The following GRIP1 variants were observed in gnomAD, a reference collection of about 807,000 sequenced individuals.
GRIP1 encodes the protein glutamate receptor interacting protein 1, also known as glutamate receptor-interacting protein 1.
In GRIP1, 45 loss-of-function variants were observed where a neutral mutation model predicts 129.9. The ratio of observed to expected loss-of-function variants is 0.35; its 90% confidence interval spans 0.27 to 0.44. The LOEUF (loss-of-function observed/expected upper bound fraction) is 0.44. Among genes scored for constraint, GRIP1 ranks in the 20% least tolerant of loss-of-function variants. The pLI, the probability that GRIP1 is intolerant of heterozygous loss-of-function variation, is 1.00. For synonymous variants in GRIP1, 530 were observed against 520.8 expected, an observed-to-expected ratio of 1.02 and a Z score of -0.24; for missense variants, 1,196 against 1,396.8, an observed-to-expected ratio of 0.86 and a Z score of 2.29.
chr12:66,775,441 T>C (rs926098167), intron 1 of GRIP1, among the ~76,000 whole-genome samples: 53 of 152,292 alleles, frequency 3.5e-4, no homozygotes, highest in Admixed American at 2.2e-3. Flanking sequence ...GTAATATAGT[T>C]AGAGGAAATT....
intron 1 of GRIP1, among the ~76,000 whole-genome samples, chr12:66,977,015 G>A (rs779889617): frequency 6.6e-6 from 1 of 152,044 alleles, no homozygotes; most frequent in Non-Finnish European, 1.5e-5. Flanking sequence ...TCTGGTCCCC[G>A]CTGAGGCCTT....
In GRIP1 at chr12:66,420,677, TAAGA is replaced by T. The variant is rs775069931; in HGVS notation, c.1838+39_1838+42del. ...TGGAAGGTGTCATGTTTACTTAAAT[TAAGA>T]GAGGCCTTAAAATGAATCAGAAAAT... On this transcript the variant is annotated intron_variant, in intron 15 of 24. Transcript: ENST00000359742. The T allele has an allele frequency of 4.7e-6, 5 of 1,060,906 alleles. No individual in the cohort carries two copies. The Admixed American group carries it at 8.4e-5, about 18-fold the overall frequency. The allele number at this position is 1,060,906 out of a possible 1,614,324, so 65.7% of individuals were successfully genotyped here. A position where few individuals can be genotyped will look rare whatever the true frequency, so the allele number is the denominator to read the frequency against.
intron 1 of GRIP1, among the ~76,000 whole-genome samples, chr12:66,852,097 A>G (rs2039922699): frequency 6.6e-6 from 1 of 152,102 alleles, no homozygotes; most frequent in Non-Finnish European, 1.5e-5. Flanking sequence ...TTCTATAAAT[A>G]GAGCTTTTGA....
intron 1 of GRIP1, among the ~76,000 whole-genome samples, chr12:66,801,306 A>C (rs189347946): frequency 6.6e-6 from 1 of 152,252 alleles, no homozygotes; most frequent in African/African-American, 2.4e-5. Flanking sequence ...TTTTTAAAAA[A>C]ATCAAACATG....
intron 1 of GRIP1, among the ~76,000 whole-genome samples, chr12:67,057,434 C>T (rs565003553): frequency 0.014 from 1,316 of 91,980 alleles, 15 homozygotes; most frequent in Middle Eastern, 0.05. Flanking sequence ...CCTCCAAGAA[C>T]GTAAAAAAAA....
At position 66,624,619 on chromosome 12, in the gene GRIP1, T is replaced by C. The variant is rs182800376; in HGVS notation, c.56-27692A>G. Among the ~76,000 whole-genome samples the C allele has an allele frequency of 1.9e-3, 288 of 152,292 alleles. 2 individuals are homozygous for C. The highest frequency in any genetic ancestry group is 6.4e-3 in the African/African-American group (268 of 41,594). The stretch of plus-strand genomic sequence containing the variant: ...TGAAATTATCCTCTGCAGCAAGTAC[T>C]AGGCTGATGGATAATAGCATATACA... On this transcript the variant is annotated intron_variant, in intron 1 of 24. Coordinates refer to ENST00000359742, the MANE Select transcript of GRIP1 (RefSeq NM_001366722.1).
chr12:66,804,294 A>G (rs1592861801), upstream of GRIP1: 1 of 298,572 alleles, frequency 3.3e-6, no homozygotes, highest in East Asian at 8.1e-5. Flanking sequence ...CTGGACCAGG[A>G]CAGCTACCCT....
intron 1 of GRIP1, among the ~76,000 whole-genome samples, chr12:66,846,768 G>A (rs943703624): frequency 3.3e-5 from 5 of 152,164 alleles, no homozygotes; most frequent in African/African-American, 9.7e-5. Context: ...CCCAAGAAAG[G>A]AGTACATGTC....
At position 66,432,641 on chromosome 12, in the gene GRIP1, C is replaced by G. The variant is rs1418597100; in HGVS notation, c.1688-13G>C. 3 of 1,504,402 alleles carry G rather than the reference C, an allele frequency of 2.0e-6. No homozygotes were observed. The highest frequency in any genetic ancestry group is 1.7e-4 in the Middle Eastern group (1 of 5,834). The allele number at this position is 1,504,402 out of a possible 1,614,324, so 93.2% of individuals were successfully genotyped here. On this transcript the variant is annotated splice_polypyrimidine_tract_variant and intron_variant, in intron 13 of 24. Coordinates refer to ENST00000359742, the MANE Select transcript of GRIP1 (RefSeq NM_001366722.1). ...GGGATGACAGACTCTAATATCAAAA[C>G]AAAAAAGAATGTGTTAATAGAACAC...
chr12:66,821,626 C>T (rs2039320231), intron 1 of GRIP1, among the ~76,000 whole-genome samples: 1 of 152,160 alleles, frequency 6.6e-6, no homozygotes, highest in Admixed American at 6.5e-5. Flanking sequence ...TAATTAGTCT[C>T]CCTAGAGAAA....
At chr12:66,394,090 G>T in intron 17 of GRIP1, 118 bp downstream of exon 17, 1 of 1,012,910 alleles carries the variant, frequency 9.9e-7, no homozygotes, top group Non-Finnish European at 1.6e-6. Flanking sequence ...TCAATCCTTT[G>T]TGCAGATTTT....
chr12:66,796,383 T>C (rs1434906884), intron 1 of GRIP1, among the ~76,000 whole-genome samples: 6 of 151,968 alleles, frequency 3.9e-5, no homozygotes, highest in Non-Finnish European at 8.8e-5. Flanking sequence ...ATCCAGAAGA[T>C]GGCAAGGGAA....
At chr12:66,857,314 T>C (rs1197133903) in intron 1 of GRIP1, among the ~76,000 whole-genome samples, 1 of 152,064 alleles carries the variant, frequency 6.6e-6, no homozygotes, top group Admixed American at 6.6e-5. Flanking sequence ...ACCTGCACGT[T>C]GTGCACATGT....
chr12:66,603,277 A>G lies in GRIP1; in HGVS notation c.56-6350T>C, dbSNP rs147369377. Among the ~76,000 whole-genome samples, 774 of 152,220 alleles carry G rather than the reference A, an allele frequency of 5.1e-3. 7 individuals carry two copies. Among genetic ancestry groups the G allele is most frequent in the South Asian group, 0.017 (80 of 4,818 alleles). On this transcript the variant is annotated intron_variant, in intron 1 of 24. Transcript: ENST00000359742. ...GATAGAATGTCTTCTAATTAACCAT[A>G]ATCTGATAAACACTTCAGGGATTAA... is the stretch of plus-strand genomic sequence containing the variant.
chr12:66,517,867 A>G (rs201111879), intron 6 of GRIP1, 34 bp downstream of exon 6: 147 of 1,111,748 alleles, frequency 1.3e-4, no homozygotes, highest in Non-Finnish European at 1.8e-4. Flanking sequence ...TATTTATTCT[A>G]TTTTGGATAG....
chr12:66,493,404 C>A (rs1368291712), intron 7 of GRIP1, among the ~76,000 whole-genome samples: 1 of 152,088 alleles, frequency 6.6e-6, no homozygotes, highest in Non-Finnish European at 1.5e-5. Flanking sequence ...ACTGTATATG[C>A]CTTCAGGAGC....
At chr12:66,649,014 C>T (rs1159355820) in intron 1 of GRIP1, among the ~76,000 whole-genome samples, 2 of 152,102 alleles carry the variant, frequency 1.3e-5, no homozygotes, top group African/African-American at 2.4e-5. Context: ...TGGTTTTTCA[C>T]CGTATAGGCT....
chr12:66,386,152 T>A (rs536407517), intron 19 of GRIP1, among the ~76,000 whole-genome samples: 1 of 152,338 alleles, frequency 6.6e-6, no homozygotes, highest in South Asian at 2.1e-4. Context: ...GTAGATGGAA[T>A]CTTGATAGGA....
intron 1 of GRIP1, among the ~76,000 whole-genome samples, chr12:66,849,143 T>A (rs977499208): frequency 7.9e-5 from 12 of 152,138 alleles, no homozygotes; most frequent in Admixed American, 2.6e-4. Flanking sequence ...CTCTTCTCCC[T>A]GGCATGAGCT....
Sources: gnomAD v4.1 joint callset for allele counts (sites outside exome capture counted in the v4.1 genomes callset) on GRCh38, gnomAD v4.1.1 for gene constraint, MANE v1.5 for transcripts, NCBI Gene and HGNC (gene_info 2026-07-23, HGNC 2026-07-21) for gene names.